The following TRIO variants were observed in gnomAD, a reference collection of about 807,000 sequenced individuals.
TRIO encodes triple functional domain protein.
A neutral mutation model predicts 351.9 loss-of-function variants in TRIO; 58 were observed. The ratio of observed to expected loss-of-function variants is 0.16; its 90% CI spans 0.13 to 0.21. TRIO has a LOEUF of 0.21. Ranked by LOEUF, TRIO falls within the 10% of genes least tolerant of loss-of-function variation. The pLI, the probability that TRIO is intolerant of heterozygous loss-of-function variation, is 1.00. For synonymous variants in TRIO, 1,758 were observed against 1,595.7 expected, an observed-to-expected ratio of 1.10 and a Z score of -2.42; for missense variants, 3,201 against 4,027.8, an observed-to-expected ratio of 0.79 and a Z score of 5.56.
intron 34 of TRIO, among the ~76,000 whole-genome samples, chr5:14,441,735 T>A (rs886137164): frequency 6.6e-6 from 1 of 152,248 alleles, no homozygotes; most frequent in Non-Finnish European, 1.5e-5. Context: ...GTTTCAGGTT[T>A]AATTTTGTTT....
intron 1 of TRIO, among the ~76,000 whole-genome samples, chr5:14,200,644 C>G (rs1791050739): frequency 6.6e-6 from 1 of 152,164 alleles, no homozygotes. Context: ...ATTAAAGGAC[C>G]TAACAACTGT....
chr5:14,221,476 T>G (rs1248676916), intron 1 of TRIO, among the ~76,000 whole-genome samples: 2 of 152,186 alleles, frequency 1.3e-5, no homozygotes, highest in African/African-American at 2.4e-5. Context: ...CTGGAAACCT[T>G]CTGGAAAGGT....
intron 34 of TRIO, among the ~76,000 whole-genome samples, chr5:14,460,344 C>T (rs1287013726): frequency 6.6e-6 from 1 of 152,228 alleles, no homozygotes; most frequent in African/African-American, 2.4e-5. Flanking sequence ...TGGCCGTGAA[C>T]AGGAAAGAGG....
chr5:14,358,494 G>A, intron 12 of TRIO, 147 bp downstream of exon 12: 1 of 807,652 alleles, frequency 1.2e-6, no homozygotes, highest in East Asian at 2.8e-5. Context: ...AAAGGAGAGA[G>A]AAACGGCTCT....
At chr5:14,429,228 T>C (rs1750896394) in intron 34 of TRIO, among the ~76,000 whole-genome samples, 1 of 152,180 alleles carries the variant, frequency 6.6e-6, no homozygotes, top group African/African-American at 2.4e-5. Context: ...TTTCTGATAG[T>C]GTTTAGCAGC....
intron 8 of TRIO, among the ~76,000 whole-genome samples, chr5:14,314,958 T>C (rs1363459941): frequency 1.3e-5 from 2 of 152,248 alleles, no homozygotes; most frequent in Admixed American, 6.5e-5. Flanking sequence ...TGTTAGGCTG[T>C]ATTAAGTGAA....
rs1034369688 is a variant in TRIO, at chr5:14,355,103, CCT to C, written c.2047-3072_2047-3071del. Among the ~76,000 whole-genome samples, 10 of 152,248 alleles carry C rather than the reference CCT, an allele frequency of 6.6e-5. No individual in the cohort carries two copies. The South Asian group carries it at 1.9e-3, about 28-fold the overall frequency. On this transcript the variant is annotated intron_variant, in intron 11 of 56. Transcript: ENST00000344204. ...GTTTGCTTTGGGAGTGAGTGGGCAC[CCT>C]CTGTGTGTGGCCAGTTGCTCACCCC...
intron 1 of TRIO, among the ~76,000 whole-genome samples, chr5:14,193,975 C>A (rs1025901188): frequency 6.6e-6 from 1 of 152,092 alleles, no homozygotes; most frequent in Non-Finnish European, 1.5e-5. Context: ...CTTATCTTCC[C>A]GGTAGTTTTT....
intron 11 of TRIO, among the ~76,000 whole-genome samples, chr5:14,351,140 T>G (rs1743052315): frequency 1.3e-5 from 2 of 152,112 alleles, no homozygotes; most frequent in Non-Finnish European, 2.9e-5. Flanking sequence ...AGCCCACACA[T>G]TGGTGACCCC....
intron 7 of TRIO, among the ~76,000 whole-genome samples, chr5:14,303,921 T>C (rs924605533): frequency 2.0e-5 from 3 of 152,208 alleles, no homozygotes; most frequent in Non-Finnish European, 4.4e-5. Flanking sequence ...AGTAGCGGAA[T>C]GGACTGGCTG....
rs1036853498 is a variant in TRIO at position 14,286,451 on chromosome 5, C to T, written c.348-420C>T. Among the ~76,000 whole-genome samples the T allele has an allele frequency of 1.1e-4, 17 of 151,980 alleles. No homozygotes were observed. The highest frequency in any genetic ancestry group is 4.1e-4 in the African/African-American group (17 of 41,354). On this transcript the variant is annotated intron_variant, in intron 3 of 56. Coordinates refer to ENST00000344204, the MANE Select transcript of TRIO (RefSeq NM_007118.4). The surrounding 1 kb of genome is among the most constrained non-coding windows in gnomAD (Gnocchi z 4.4). The stretch of plus-strand genomic sequence containing the variant: ...TGCCGTCCACAGGTCTCAGACTGTC[C>T]CCAGTCTGGGTTTTGTTGCAGGCTG...
At chr5:14,507,381 G>T in intron 56 of TRIO, 121 bp downstream of exon 56, 1 of 1,419,252 alleles carries the variant, frequency 7.0e-7, no homozygotes, top group South Asian at 1.3e-5. Context: ...AAAAAGGGTG[G>T]GTGGGGCAGC....
intron 30 of TRIO, among the ~76,000 whole-genome samples, chr5:14,399,597 C>T (rs1055792569): frequency 6.6e-6 from 1 of 152,174 alleles, no homozygotes; most frequent in Non-Finnish European, 1.5e-5. Flanking sequence ...AGATCCACAG[C>T]CCCAGCTATG....
intron 32 of TRIO, chr5:14,406,251 A>G: frequency 1.7e-6 from 1 of 576,292 alleles, no homozygotes; most frequent in Non-Finnish European, 3.1e-6. Context: ...CATACAGGGC[A>G]CATGTCTAAC....
chr5:14,484,307 G>A (rs1179415479), intron 46 of TRIO, among the ~76,000 whole-genome samples: 1 of 152,170 alleles, frequency 6.6e-6, no homozygotes, highest in Non-Finnish European at 1.5e-5. Flanking sequence ...GTTTAATGGT[G>A]TCATTTACTC....
intron 1 of TRIO, among the ~76,000 whole-genome samples, chr5:14,174,605 G>A (rs533347751): frequency 6.6e-6 from 1 of 152,266 alleles, no homozygotes; most frequent in African/African-American, 2.4e-5. Flanking sequence ...ACAAGGCTGC[G>A]GGCCTGAACC....
intron 25 of TRIO, 54 bp from the exon 26 acceptor site, chr5:14,390,177 A>G: frequency 6.5e-7 from 1 of 1,531,104 alleles, no homozygotes. Flanking sequence ...ATATCTCACT[A>G]GTAAAATGTT....
At chr5:14,390,544 T>C in intron 26 of TRIO, 2 of 555,520 alleles carry the variant, frequency 3.6e-6, no homozygotes, top group Admixed American at 3.5e-5. Context: ...CGCTTGACCC[T>C]GGGGATTTGC....
intron 34 of TRIO, among the ~76,000 whole-genome samples, chr5:14,456,760 C>G (rs1753343909): frequency 6.6e-6 from 1 of 152,206 alleles, no homozygotes; most frequent in African/African-American, 2.4e-5. Context: ...GACCTTAATT[C>G]TACTCAAGAT....
Sources: gnomAD v4.1 joint callset for allele counts (sites outside exome capture counted in the v4.1 genomes callset) on GRCh38, gnomAD v4.1.1 for gene constraint, Gnocchi (gnomAD v3.1) non-coding constraint, MANE v1.5 for transcripts, NCBI Gene and HGNC (gene_info 2026-07-23, HGNC 2026-07-21) for gene names.